CDH13: variants seen among roughly 807,000 people sequenced by gnomAD.
CDH13 encodes the protein cadherin 13.
In CDH13, 24 loss-of-function variants were observed where a neutral mutation model predicts 63.8. The observed-to-expected ratio is 0.38, with a 90% CI of 0.27 to 0.53. CDH13 has a LOEUF of 0.53. CDH13 is among the 20% of genes least tolerant of loss of function. The pLI is 0.85. For missense variants in CDH13, 1,049 were observed against 903.1 expected (o/e 1.16, Z -2.07); for synonymous variants, 503 against 355.3 (o/e 1.42, Z -4.67).
At chr16:83,220,229 G>A (rs550813622) in intron 5 of CDH13, among the ~76,000 whole-genome samples, 1 of 152,192 alleles carries the variant, frequency 6.6e-6, no homozygotes, top group Non-Finnish European at 1.5e-5. Context: ...CCTTGAAGAA[G>A]CAAGTTTGAG....
At chr16:82,937,907 C>T (rs867804983) in intron 2 of CDH13, among the ~76,000 whole-genome samples, 6 of 151,978 alleles carry the variant, frequency 3.9e-5, no homozygotes, top group Non-Finnish European at 5.9e-5. Flanking sequence ...TTTTTAAAGA[C>T]GTATAATATA....
At chr16:83,262,001 C>G (rs1414479383) in intron 5 of CDH13, among the ~76,000 whole-genome samples, 2 of 152,160 alleles carry the variant, frequency 1.3e-5, no homozygotes, top group Non-Finnish European at 2.9e-5. Context: ...TCAACCGTAA[C>G]CTGTGGGAAG....
intron 1 of CDH13, among the ~76,000 whole-genome samples, chr16:82,692,690 C>T (rs1027235699): frequency 4.6e-5 from 7 of 152,094 alleles, no homozygotes; most frequent in African/African-American, 1.7e-4. Context: ...GCAGTGTGGT[C>T]CTTAGCAATC....
chr16:83,104,209 G>A (rs1383251529), intron 3 of CDH13, among the ~76,000 whole-genome samples: 1 of 152,202 alleles, frequency 6.6e-6, no homozygotes, highest in Non-Finnish European at 1.5e-5. Flanking sequence ...AGATGTGGGA[G>A]AATATCAAAT....
chr16:83,267,551 G>A (rs779209789), intron 5 of CDH13, among the ~76,000 whole-genome samples: 1 of 152,142 alleles, frequency 6.6e-6, no homozygotes, highest in African/African-American at 2.4e-5. Flanking sequence ...AGGTCATGGG[G>A]GCTCCACCCT....
In CDH13 at chr16:83,380,088, A is replaced by T. The variant is rs114187122; in HGVS notation, c.781+35082A>T. Among the ~76,000 whole-genome samples the T allele has an allele frequency of 1.6e-3, 244 of 152,124 alleles. 4 individuals carry two copies. The highest frequency in any genetic ancestry group is 5.2e-3 in the African/African-American group (215 of 41,496). On this transcript the variant is annotated intron_variant, in intron 6 of 13. Transcript: ENST00000567109. ...TCTCAGAAACAAATATATGCCTAAGATGATTCAAAATGGACATTGGTATTC... is the reference window on the plus strand; with the variant it reads ...TCTCAGAAACAAATATATGCCTAAGTTGATTCAAAATGGACATTGGTATTC...
intron 1 of CDH13, among the ~76,000 whole-genome samples, chr16:82,783,365 A>G (rs1185726918): frequency 6.6e-6 from 1 of 152,200 alleles, no homozygotes. Context: ...GCGATGATGG[A>G]AGTGGCTGCA....
intron 7 of CDH13, among the ~76,000 whole-genome samples, chr16:83,573,198 G>C (rs2150709269): frequency 6.6e-6 from 1 of 152,326 alleles, no homozygotes; most frequent in African/African-American, 2.4e-5. Flanking sequence ...AATTTGGGGA[G>C]GTAGGGAGGA....
Position 82,682,375 on chromosome 16 carries a change from C to G in CDH13, c.45+55238C>G, listed in dbSNP as rs560151811. On this transcript the variant is annotated intron_variant, in intron 1 of 13. Coordinates refer to ENST00000567109, the MANE Select transcript of CDH13 (RefSeq NM_001257.5). ...AGTAGAAAGTTTTCATTGAAAAACACTGGACACTGGCATGATGAGAAACAG... is the reference window on the plus strand; with the variant it reads ...AGTAGAAAGTTTTCATTGAAAAACAGTGGACACTGGCATGATGAGAAACAG... Among the ~76,000 whole-genome samples, 4 of 152,304 alleles carry G rather than the reference C, an allele frequency of 2.6e-5. No homozygotes were observed. The South Asian group carries it at 8.3e-4, about 32-fold the overall frequency.
intron 3 of CDH13, among the ~76,000 whole-genome samples, chr16:83,054,028 C>T (rs1207988426): frequency 6.6e-6 from 1 of 152,074 alleles, no homozygotes; most frequent in Non-Finnish European, 1.5e-5. Context: ...ACACAAATAC[C>T]ATTGTGTTAC....
intron 6 of CDH13, among the ~76,000 whole-genome samples, chr16:83,368,206 T>C (rs2151393001): frequency 6.6e-6 from 1 of 152,368 alleles, no homozygotes; most frequent in East Asian, 1.9e-4. Context: ...TCAAATCTCG[T>C]AGTAGAGCTA....
At chr16:82,671,542 T>C (rs1334374283) in intron 1 of CDH13, among the ~76,000 whole-genome samples, 1 of 152,246 alleles carries the variant, frequency 6.6e-6, no homozygotes, top group East Asian at 1.9e-4. Flanking sequence ...AGCAGATCAA[T>C]TTTTAAAACA....
intron 10 of CDH13, among the ~76,000 whole-genome samples, chr16:83,737,179 G>A (rs993572592): frequency 3.3e-5 from 5 of 152,164 alleles, no homozygotes; most frequent in African/African-American, 1.2e-4. Context: ...ACTATTGAAA[G>A]TGACTACATG....
intron 4 of CDH13, among the ~76,000 whole-genome samples, chr16:83,160,765 G>T (rs1187076905): frequency 6.6e-6 from 1 of 152,158 alleles, no homozygotes; most frequent in Non-Finnish European, 1.5e-5. Flanking sequence ...GAGATGCTCG[G>T]AAACCTCCTG....
intron 5 of CDH13, among the ~76,000 whole-genome samples, chr16:83,343,176 A>G (rs987274212): frequency 1.3e-5 from 2 of 152,110 alleles, no homozygotes; most frequent in Non-Finnish European, 2.9e-5. Context: ...ATGTTAAAGA[A>G]AAAAATTTAA....
intron 2 of CDH13, among the ~76,000 whole-genome samples, chr16:83,029,000 A>G (rs1440109207): frequency 1.3e-5 from 2 of 152,170 alleles, no homozygotes; most frequent in Non-Finnish European, 1.5e-5. Context: ...CCAACTTTGC[A>G]CTCCATGAGC....
At chr16:83,684,530 T>C (rs929986538) in intron 10 of CDH13, among the ~76,000 whole-genome samples, 2 of 152,238 alleles carry the variant, frequency 1.3e-5, no homozygotes, top group Non-Finnish European at 2.9e-5. Flanking sequence ...TAAATCCTTC[T>C]GAATAGCTGG....
chr16:82,910,506 A>G (rs1030635308), intron 2 of CDH13, among the ~76,000 whole-genome samples: 1 of 152,124 alleles, frequency 6.6e-6, no homozygotes, highest in Non-Finnish European at 1.5e-5. Flanking sequence ...TCTTCCCCAG[A>G]CAAACCTTGA....
intron 5 of CDH13, among the ~76,000 whole-genome samples, chr16:83,290,958 C>A (rs889495690): frequency 6.6e-6 from 1 of 152,156 alleles, no homozygotes; most frequent in Non-Finnish European, 1.5e-5. Context: ...CCGTGAGGAG[C>A]CTCCTTCCAC....
Sources: allele counts gnomAD v4.1 joint callset (sites outside exome capture counted in the v4.1 genomes callset), GRCh38; gene constraint gnomAD v4.1.1; transcripts MANE v1.5; gene names NCBI Gene and HGNC (gene_info 2026-07-23, HGNC 2026-07-21).